MLN: variants seen among roughly 807,000 people sequenced by gnomAD.
MLN encodes the protein motilin.
A neutral mutation model predicts 13.3 loss-of-function variants in MLN; 14 were observed. The ratio of observed to expected loss-of-function variants is 1.05; its 90% CI spans 0.69 to 1.64. The LOEUF (loss-of-function observed/expected upper bound fraction) is 1.64. MLN is among the 40% of genes most tolerant of loss of function. The pLI, the probability that MLN is intolerant of heterozygous loss-of-function variation, is 0.00. For synonymous variants in MLN, 59 were observed against 54.7 expected (o/e 1.08, Z -0.34); for missense variants, 122 against 142.9 (o/e 0.85, Z 0.75).
chr6:33,796,902 A>G (rs536000838), intron 3 of MLN, among the ~76,000 whole-genome samples: 146 of 152,304 alleles, frequency 9.6e-4, no homozygotes, highest in African/African-American at 3.4e-3. Context: ...TCCCCGGGCA[A>G]CCTTGGAGTT....
At position 33,800,242 on chromosome 6, in the gene MLN, C is replaced by G. The variant is rs565197030; in HGVS notation, c.117+805G>C. Among the ~76,000 whole-genome samples the G allele has an allele frequency of 3.9e-5, 6 of 152,266 alleles. No individual in the cohort carries two copies. In the South Asian group the frequency reaches 1.2e-3, roughly 32 times the overall value. On this transcript the variant is annotated intron_variant, in intron 2 of 4. Coordinates refer to ENST00000430124, the MANE Select transcript of MLN (RefSeq NM_002418.3). ...AGTCTCAGTTTCAGACAGGGTGGAGCATGAAAGTCCCTTTCTTCATCTCCT... is the reference window on the plus strand; with the variant it reads ...AGTCTCAGTTTCAGACAGGGTGGAGGATGAAAGTCCCTTTCTTCATCTCCT...
chr6:33,797,277 T>C (rs1767948209), intron 3 of MLN, among the ~76,000 whole-genome samples: 1 of 152,228 alleles, frequency 6.6e-6, no homozygotes, highest in Non-Finnish European at 1.5e-5. Flanking sequence ...CTGGGCCTCT[T>C]CTTTTCCATC....
rs1356783320 is a variant in MLN, at chr6:33,803,743, A to G, written c.-8+210T>C. On this transcript the variant is annotated intron_variant, in intron 1 of 4. Transcript: ENST00000430124. This position sits in a 1 kb window ranked among gnomAD's most constrained non-coding sequence, Gnocchi z 4.5. ...CAGCCTCTGCTTTGCCAGGAGTTGT[A>G]CCCACCTGCTTGCCTCCAGCGTCTG... is the stretch of plus-strand genomic sequence containing the variant. Among the ~76,000 whole-genome samples, 1 of 152,176 alleles carries G rather than the reference A, an allele frequency of 6.6e-6. No homozygotes were observed. The highest frequency in any genetic ancestry group is 1.5e-5 in the Non-Finnish European group (1 of 68,024).
In MLN at chr6:33,803,744, C is replaced by T. The variant is rs1293442577; in HGVS notation, c.-8+209G>A. ...AGCCTCTGCTTTGCCAGGAGTTGTA[C>T]CCACCTGCTTGCCTCCAGCGTCTGT... is the stretch of plus-strand genomic sequence containing the variant. On this transcript the variant is annotated intron_variant, in intron 1 of 4. Coordinates refer to ENST00000430124, the MANE Select transcript of MLN (RefSeq NM_002418.3). This position sits in a 1 kb window ranked among gnomAD's most constrained non-coding sequence, Gnocchi z 4.5. Among the ~76,000 whole-genome samples the T allele has an allele frequency of 6.6e-6, 1 of 152,236 alleles. No individual in the cohort carries two copies. Among genetic ancestry groups the T allele is most frequent in the Non-Finnish European group, 1.5e-5 (1 of 68,038 alleles).
intron 3 of MLN, among the ~76,000 whole-genome samples, chr6:33,796,481 C>G (rs1311149207): frequency 6.6e-6 from 1 of 152,220 alleles, no homozygotes. Flanking sequence ...ATCTCCCCGT[C>G]CCCGCTCCGC....
At chr6:33,800,499 G>A (rs949192872) in intron 2 of MLN, among the ~76,000 whole-genome samples, 1 of 152,110 alleles carries the variant, frequency 6.6e-6, no homozygotes, top group Non-Finnish European at 1.5e-5. Flanking sequence ...TTGGTCCCTC[G>A]CTCTTGATCT....
chr6:33,801,303 G>T, intron 1 of MLN, 133 bp from the exon 2 acceptor site: 2 of 672,722 alleles, frequency 3.0e-6, no homozygotes, highest in South Asian at 1.8e-5. Context: ...AGCTCAGCCT[G>T]TCTGGATTTG....
intron 1 of MLN, among the ~76,000 whole-genome samples, chr6:33,802,439 G>T (rs1377377758): frequency 6.6e-6 from 1 of 152,166 alleles, no homozygotes; most frequent in East Asian, 1.9e-4. Flanking sequence ...AGGCCTCGGG[G>T]CTTCTCTGCA....
At chr6:33,795,720 A>G (rs941239164) in intron 3 of MLN, 115 bp from the exon 4 acceptor site, 4 of 784,626 alleles carry the variant, frequency 5.1e-6, no homozygotes, top group Non-Finnish European at 8.5e-6. Context: ...TGCAGACCCC[A>G]CTAGAGCCTC....
rs912818295 is a variant in MLN at position 33,803,085 on chromosome 6, T to C, written c.-8+868A>G. 6.6e-6 allele frequency among the ~76,000 whole-genome samples: 1 copy of C among 152,164 alleles called. No individual in the cohort carries two copies. Among genetic ancestry groups the C allele is most frequent in the Non-Finnish European group, 1.5e-5 (1 of 68,020 alleles). On this transcript the variant is annotated intron_variant, in intron 1 of 4. Transcript: ENST00000430124. This position sits in a 1 kb window ranked among gnomAD's most constrained non-coding sequence, Gnocchi z 4.5. ...GGCATGTCACCTACGTTCATGTGTG[T>C]TCTGGTGAGCTGGAGGTGGGAGAAG... is the stretch of plus-strand genomic sequence containing the variant.
chr6:33,797,593 T>A (rs1169785454), intron 3 of MLN, among the ~76,000 whole-genome samples: 3 of 152,150 alleles, frequency 2.0e-5, no homozygotes, highest in Non-Finnish European at 4.4e-5. Flanking sequence ...CACTTTTTCT[T>A]TACATCCTAT....
In MLN at chr6:33,799,734, C is replaced by G. The variant is rs984144942; in HGVS notation, c.118-513G>C. Among the ~76,000 whole-genome samples the G allele has an allele frequency of 1.3e-5, 2 of 152,138 alleles. No homozygotes were observed. Among genetic ancestry groups the G allele is most frequent in the Non-Finnish European group, 2.9e-5 (2 of 68,018 alleles). On this transcript the variant is annotated intron_variant, in intron 2 of 4. Transcript: ENST00000430124. This position sits in a 1 kb window ranked among gnomAD's most constrained non-coding sequence, Gnocchi z 4.6. ...TAGCTTCTTCATAAAAATCCTGGTGCCTGGCAATTATGAGGAGAAAAGCCA... is the reference window on the plus strand; with the variant it reads ...TAGCTTCTTCATAAAAATCCTGGTGGCTGGCAATTATGAGGAGAAAAGCCA...
intron 3 of MLN, among the ~76,000 whole-genome samples, chr6:33,796,791 A>C (rs1561933594): frequency 6.6e-6 from 1 of 152,170 alleles, no homozygotes; most frequent in Non-Finnish European, 1.5e-5. Context: ...GACAATCCCA[A>C]AGGGCCCTCT....
intron 1 of MLN, among the ~76,000 whole-genome samples, chr6:33,802,874 C>A (rs1303523467): frequency 6.6e-6 from 1 of 152,126 alleles, no homozygotes; most frequent in African/African-American, 2.4e-5. Context: ...GTCTCTGGGG[C>A]CTGCTTTTCC....
chr6:33,797,378 C>T (rs947130535), intron 3 of MLN, among the ~76,000 whole-genome samples: 8 of 152,210 alleles, frequency 5.3e-5, no homozygotes, highest in Non-Finnish European at 8.8e-5. Context: ...CCAGCCCTCA[C>T]CTCTCTTCTG....
In MLN at chr6:33,801,088, A is replaced by T; in HGVS notation, c.76T>A (p.Phe26Ile). The T allele has an allele frequency of 6.2e-7, 1 of 1,614,104 alleles. No homozygotes were observed. Among genetic ancestry groups the T allele is most frequent in the Non-Finnish European group, 8.5e-7 (1 of 1,179,974 alleles). ...TCGCCATAGGTGAAGATGGGGACGA[A>T]GGCTTCCGTCTGGGAGGCCAGCATG... Reference protein sequence around the residue: ...AAMLASQTEAFVPIFTYGELQ... With the variant: ...AAMLASQTEAIVPIFTYGELQ... The change falls in exon 2 of 5, where the codon TTC (phenylalanine) becomes ATC (isoleucine). Residue 26 changes from phenylalanine to isoleucine, a missense_variant. Transcript: ENST00000430124.
In MLN at chr6:33,803,406, C is replaced by T. The variant is rs1266182855; in HGVS notation, c.-8+547G>A. On this transcript the variant is annotated intron_variant, in intron 1 of 4. Transcript: ENST00000430124. The surrounding 1 kb of genome is among the most constrained non-coding windows in gnomAD (Gnocchi z 4.5). ...CACTGCAACCTCTGCCTCCCAGGTT[C>T]AAGCGATTCTTCTGCCTCAGCTTCC... Among the ~76,000 whole-genome samples, 1 of 150,686 alleles carries T rather than the reference C, an allele frequency of 6.6e-6. No homozygotes were observed. The highest frequency in any genetic ancestry group is 1.5e-5 in the Non-Finnish European group (1 of 67,858).
intron 2 of MLN, among the ~76,000 whole-genome samples, chr6:33,800,603 A>G (rs1056957375): frequency 2.6e-5 from 4 of 152,206 alleles, no homozygotes; most frequent in African/African-American, 9.7e-5. Flanking sequence ...CTGAGCACTT[A>G]GCATCAGCAC....
At position 33,803,574 on chromosome 6, in the gene MLN, G is replaced by A. The variant is rs1760902825; in HGVS notation, c.-8+379C>T. 6.6e-6 allele frequency among the ~76,000 whole-genome samples: 1 copy of A among 152,188 alleles called. No individual in the cohort carries two copies. The highest frequency in any genetic ancestry group is 2.4e-5 in the African/African-American group (1 of 41,452). On this transcript the variant is annotated intron_variant, in intron 1 of 4. Coordinates refer to ENST00000430124, the MANE Select transcript of MLN (RefSeq NM_002418.3). This position sits in a 1 kb window ranked among gnomAD's most constrained non-coding sequence, Gnocchi z 4.5. ...GCCCACCTCAGTCTCCCAAAATGCT[G>A]GGATTACAGGCATGAGCCACTGCAG...
Sources: allele counts gnomAD v4.1 joint callset (sites outside exome capture counted in the v4.1 genomes callset), GRCh38; gene constraint gnomAD v4.1.1; non-coding constraint Gnocchi (gnomAD v3.1); transcripts MANE v1.5; gene names NCBI Gene and HGNC (gene_info 2026-07-23, HGNC 2026-07-21).